THUMPD2: variants seen among roughly 807,000 people sequenced by gnomAD.
THUMPD2 encodes the protein U6 snRNA (guanine-N(2))-methyltransferase THUMPD2.
A neutral mutation model predicts 49.4 loss-of-function variants in THUMPD2; 56 were observed. The ratio of observed to expected loss-of-function variants is 1.13; its 90% CI spans 0.91 to 1.41. The LOEUF is 1.41. Ranked by LOEUF, THUMPD2 falls within the 40% of genes most tolerant of loss-of-function variation. The pLI is 0.00. For missense variants in THUMPD2, 709 were observed against 594.5 expected (o/e 1.19, Z -2.00); for synonymous variants, 237 against 205.2 (o/e 1.15, Z -1.32).
At chr2:39,766,315 A>T in intron 4 of THUMPD2, 1 of 399,264 alleles carries the variant, frequency 2.5e-6, no homozygotes, top group Non-Finnish European at 4.4e-6. Flanking sequence ...TTTCATAGAA[A>T]AATTCTGAGG....
Position 39,742,551 on chromosome 2 carries a change from A to G in THUMPD2, c.1187+1819T>C, listed in dbSNP as rs1350496379. Among the ~76,000 whole-genome samples, 4 of 152,214 alleles carry G rather than the reference A, an allele frequency of 2.6e-5. 1 individual carries two copies. The highest frequency in any genetic ancestry group is 5.9e-5 in the Non-Finnish European group (4 of 68,034). On this transcript the variant is annotated intron_variant, in intron 9 of 9. Transcript: ENST00000505747. ...GACTTGTAGAGGTGCTATAATATGCAGCATTAGATTTTCAGTTAGAGTAAG... is the reference window on the plus strand; with the variant it reads ...GACTTGTAGAGGTGCTATAATATGCGGCATTAGATTTTCAGTTAGAGTAAG...
chr2:39,778,821 A>C (rs905748017), intron 1 of THUMPD2, among the ~76,000 whole-genome samples: 1 of 152,244 alleles, frequency 6.6e-6, no homozygotes, highest in African/African-American at 2.4e-5. Context: ...GATTCTAATT[A>C]CAGGCACTAC....
chr2:39,774,837 A>C (rs987241815), intron 1 of THUMPD2, among the ~76,000 whole-genome samples: 1 of 152,188 alleles, frequency 6.6e-6, no homozygotes. Context: ...ATAACCAAGT[A>C]TCTAAAAACA....
At chr2:39,742,066 G>C (rs1403357881) in intron 9 of THUMPD2, among the ~76,000 whole-genome samples, 1 of 152,116 alleles carries the variant, frequency 6.6e-6, no homozygotes, top group Non-Finnish European at 1.5e-5. Context: ...AAGTGGTTAA[G>C]CAATATGCCT....
intron 9 of THUMPD2, among the ~76,000 whole-genome samples, chr2:39,738,688 C>T (rs939324245): frequency 6.1e-4 from 89 of 146,440 alleles, no homozygotes; most frequent in Admixed American, 9.6e-4. Context: ...CACATATATA[C>T]ATATATAAAT....
At chr2:39,761,513 T>C in intron 5 of THUMPD2, 95 bp from the exon 6 acceptor site, 1 of 1,159,832 alleles carries the variant, frequency 8.6e-7, no homozygotes, top group South Asian at 1.3e-5. Flanking sequence ...CATTTAAACA[T>C]ATTCATCCAA....
chr2:39,770,108 T>G lies in THUMPD2; in HGVS notation c.274A>C (p.Asn92His). 1.3e-6 allele frequency: 2 copies of G among 1,482,756 alleles called. No homozygotes were observed. The highest frequency in any genetic ancestry group is 1.8e-6 in the Non-Finnish European group (2 of 1,125,512). 91.8% of individuals were successfully genotyped at this position (1,482,756 alleles called of 1,614,324 possible). A position where few individuals can be genotyped will look rare whatever the true frequency, so the allele number is the denominator to read the frequency against. ...ISSVSKGKIF[N>H]EMQRLINEDP... is the part of the protein sequence containing the mutation. ...TCATTTATAAGTCTTTGCATTTCAT[T>G]AAATATTTTTCCTAAATAAGAAAAA... The change falls in exon 3 of 10, where the codon AAT becomes CAT. Residue 92 changes from asparagine (N) to histidine (H), a missense_variant. Coordinates refer to ENST00000505747, the MANE Select transcript of THUMPD2 (RefSeq NM_025264.5).
intron 8 of THUMPD2, among the ~76,000 whole-genome samples, chr2:39,753,560 C>T (rs766559858): frequency 1.4e-4 from 21 of 152,176 alleles, no homozygotes; most frequent in Non-Finnish European, 1.9e-4. Flanking sequence ...ACTAACTTGA[C>T]ATCTTCACTT....
At chr2:39,739,427 G>T (rs577854882) in intron 9 of THUMPD2, among the ~76,000 whole-genome samples, 1 of 152,126 alleles carries the variant, frequency 6.6e-6, no homozygotes, top group East Asian at 1.9e-4. Flanking sequence ...TCCCAGAGAG[G>T]CCTTTCCTGA....
At chr2:39,763,855 C>T (rs1391919632) in intron 5 of THUMPD2, among the ~76,000 whole-genome samples, 1 of 152,018 alleles carries the variant, frequency 6.6e-6, no homozygotes, top group African/African-American at 2.4e-5. Context: ...ACTGAAACTA[C>T]CTGCCATCCC....
chr2:39,748,601 T>C (rs961095602), intron 8 of THUMPD2, among the ~76,000 whole-genome samples: 1 of 151,896 alleles, frequency 6.6e-6, no homozygotes, highest in Non-Finnish European at 1.5e-5. Context: ...AGCGGGAGAA[T>C]TGCTTGAACC....
intron 9 of THUMPD2, among the ~76,000 whole-genome samples, chr2:39,742,760 C>T (rs971670512): frequency 6.6e-6 from 1 of 152,184 alleles, no homozygotes; most frequent in South Asian, 2.1e-4. Context: ...ATGCTTGAGT[C>T]CTCCACCAGA....
intron 5 of THUMPD2, among the ~76,000 whole-genome samples, chr2:39,763,396 C>T (rs1677084499): frequency 6.6e-6 from 1 of 151,824 alleles, no homozygotes; most frequent in South Asian, 2.1e-4. Flanking sequence ...CACGTACTAT[C>T]CATATATTGG....
intron 4 of THUMPD2, among the ~76,000 whole-genome samples, chr2:39,768,133 A>T (rs1324449189): frequency 6.6e-6 from 1 of 152,198 alleles, no homozygotes; most frequent in Non-Finnish European, 1.5e-5. Flanking sequence ...TATAGAGACT[A>T]TAGAGAACAT....
At chr2:39,775,498 G>A (rs1355625946) in intron 1 of THUMPD2, among the ~76,000 whole-genome samples, 1 of 152,062 alleles carries the variant, frequency 6.6e-6, no homozygotes, top group East Asian at 1.9e-4. Context: ...AGCTGGGCAT[G>A]GTGGCTCATG....
In THUMPD2 at chr2:39,766,193, T is replaced by G. The variant is rs113842806; in HGVS notation, c.751-84A>C. 1.7e-3 allele frequency: 1,622 copies of G among 981,146 alleles called. 15 individuals are homozygous for G. The African/African-American group carries it at 0.024, about 14-fold the overall frequency. 60.8% of individuals were successfully genotyped at this position (981,146 alleles called of 1,614,324 possible). A position where few individuals can be genotyped will look rare whatever the true frequency, so the allele number is the denominator to read the frequency against. ...ACAATTTGAAATTTCCATTTTAAAC[T>G]TACATGATCTATGTTTTAAAAAGAA... is the stretch of plus-strand genomic sequence containing the variant. On this transcript the variant is annotated intron_variant, in intron 4 of 9. Coordinates refer to ENST00000505747, the MANE Select transcript of THUMPD2 (RefSeq NM_025264.5).
At chr2:39,743,298 G>A (rs12991701) in intron 9 of THUMPD2, among the ~76,000 whole-genome samples, 15,905 of 152,122 alleles carry the variant, frequency 0.1, 973 homozygotes, top group Middle Eastern at 0.16. Flanking sequence ...TGCATTCTAT[G>A]TTCTCTTCTT....
At chr2:39,770,484 G>A (rs540916573) in intron 2 of THUMPD2, among the ~76,000 whole-genome samples, 1 of 152,070 alleles carries the variant, frequency 6.6e-6, no homozygotes, top group East Asian at 1.9e-4. Context: ...TAAAAATTAA[G>A]TTTTTATAAG....
At chr2:39,750,428 TCA>T (rs1675239816) in intron 8 of THUMPD2, among the ~76,000 whole-genome samples, 1 of 152,212 alleles carries the variant, frequency 6.6e-6, no homozygotes, top group African/African-American at 2.4e-5. Flanking sequence ...TGTCTTTTGC[TCA>T]CTTTTTAATG....
Sources: allele counts gnomAD v4.1 joint callset (sites outside exome capture counted in the v4.1 genomes callset), GRCh38; gene constraint gnomAD v4.1.1; transcripts MANE v1.5; gene names NCBI Gene and HGNC (gene_info 2026-07-23, HGNC 2026-07-21).